The following CLPB variants were observed in gnomAD, a reference collection of about 807,000 sequenced individuals.
The protein encoded by CLPB is ClpB family mitochondrial disaggregase, also known as mitochondrial disaggregase.
CLPB carries 40 observed loss-of-function variants against 78.4 expected under a neutral mutation model. That is an observed-to-expected ratio of 0.51 (90% confidence interval 0.40 to 0.66). The LOEUF (loss-of-function observed/expected upper bound fraction) is 0.66, where lower values mean the gene tolerates loss of function less well. CLPB is among the 30% of genes least tolerant of loss of function. The pLI is 0.00. For synonymous variants in CLPB, 333 were observed against 348.0 expected (o/e 0.96, Z 0.48); for missense variants, 780 against 886.9 (o/e 0.88, Z 1.53).
chr11:72,351,755 AGAGACAGG>A (rs1233492122), intron 5 of CLPB, among the ~76,000 whole-genome samples: 1 of 151,978 alleles, frequency 6.6e-6, no homozygotes, highest in African/African-American at 2.4e-5. Context: ...TATTTTTAGT[AGAGACAGG>A]GTTTCACCAT....
At chr11:72,429,411 G>GT (rs1565103675) in intron 2 of CLPB, among the ~76,000 whole-genome samples, 3 of 152,222 alleles carry the variant, frequency 2.0e-5, no homozygotes, top group Admixed American at 6.5e-5. Flanking sequence ...ACACTTTCTT[G>GT]TATGTTCAGG....
chr11:72,315,712 G>A (rs1392516173), intron 7 of CLPB, among the ~76,000 whole-genome samples: 2 of 152,134 alleles, frequency 1.3e-5, no homozygotes, highest in Non-Finnish European at 2.9e-5. Context: ...TTCATTCTGC[G>A]GCACTTCTCT....
intron 11 of CLPB, among the ~76,000 whole-genome samples, chr11:72,297,242 T>C (rs1949567390): frequency 6.6e-6 from 1 of 152,222 alleles, no homozygotes; most frequent in African/African-American, 2.4e-5. Context: ...CCAGGGATGC[T>C]GGGCCCTGCC....
At chr11:72,406,458 G>C (rs1855713433) in intron 2 of CLPB, among the ~76,000 whole-genome samples, 1 of 152,332 alleles carries the variant, frequency 6.6e-6, no homozygotes, top group South Asian at 2.1e-4. Context: ...TTCTGATCTA[G>C]CTAGATAACT....
chr11:72,361,384 C>T (rs888718397), intron 4 of CLPB, among the ~76,000 whole-genome samples: 11 of 152,166 alleles, frequency 7.2e-5, no homozygotes, highest in Non-Finnish European at 1.6e-4. Flanking sequence ...ACACTTTTCC[C>T]ATAAGAGAGC....
Position 72,434,452 on chromosome 11 carries a change from C to T in CLPB, c.23G>A (p.Arg8Lys). Residue 8 changes from arginine to lysine, a missense_variant, in exon 1 of 16, where the codon AGG (arginine) becomes AAG (lysine). Physicochemically the swap from Arg to Lys is conservative, Grantham distance 26 (BLOSUM62 2). This residue lies in a region of CLPB where 417 missense variants were observed against 414.7 expected (regional missense o/e 1.01). Coordinates refer to ENST00000538039, the MANE Select transcript of CLPB (RefSeq NM_001258392.3). Reference protein sequence around the residue: MLGSLVLRRKALAPRLLL... With the variant: MLGSLVLKRKALAPRLLL... ...TAGCCGTGGCGCCAGTGCTTTTCTC[C>T]TCAACACCAGGGACCCCAGCATCTT... is the stretch of plus-strand genomic sequence containing the variant. The T allele has an allele frequency of 6.4e-7, 1 of 1,562,320 alleles. No homozygotes were observed. Among genetic ancestry groups the T allele is most frequent in the Non-Finnish European group, 8.7e-7 (1 of 1,150,932 alleles).
At chr11:72,398,787 T>G (rs1855481582) in intron 3 of CLPB, among the ~76,000 whole-genome samples, 1 of 152,214 alleles carries the variant, frequency 6.6e-6, no homozygotes, top group Admixed American at 6.5e-5. Context: ...CCCCAATGAC[T>G]GTTCCTTGAG....
At position 72,286,927 on chromosome 11, in the gene CLPB, CATAGT is replaced by C. The variant is rs1487388038; in HGVS notation, c.*6435_*6439del. On this transcript the variant is annotated 3_prime_UTR_variant, in exon 16 of 16. Transcript: ENST00000538039. ...AAACAAGGACGTTCTCTTCTGTAAT[CATAGT>C]ATAATTATCAAAATGAGAAAATTTA... 1 of 151,950 alleles carries C rather than the reference CATAGT, an allele frequency of 6.6e-6. No individual in the cohort carries two copies. Among genetic ancestry groups the C allele is most frequent in the African/African-American group, 2.4e-5 (1 of 41,354 alleles). The allele number at this position is 151,950 out of a possible 1,614,324, so 9.4% of individuals were successfully genotyped here.
intron 11 of CLPB, 133 bp downstream of exon 11, chr11:72,301,670 G>T: frequency 1.0e-6 from 1 of 995,868 alleles, no homozygotes; most frequent in Non-Finnish European, 1.5e-6. Flanking sequence ...CCTACTGGAT[G>T]AATGAATGTA....
intron 5 of CLPB, among the ~76,000 whole-genome samples, chr11:72,342,745 G>T (rs556618932): frequency 3.2e-4 from 49 of 152,318 alleles, no homozygotes; most frequent in African/African-American, 1.1e-3. Flanking sequence ...CGAGCCTGGG[G>T]TCTGGGCTGA....
Position 72,339,705 on chromosome 11 carries a change from G to C in CLPB, c.776-9901C>G, listed in dbSNP as rs138203280. Among the ~76,000 whole-genome samples, 849 of 152,290 alleles carry C rather than the reference G, an allele frequency of 5.6e-3. 8 individuals are homozygous for C. The highest frequency in any genetic ancestry group is 0.02 in the African/African-American group (814 of 41,562). On this transcript the variant is annotated intron_variant, in intron 5 of 15. Transcript: ENST00000538039. ...AAGTGAGTAAGAAGATACTGTTCTT[G>C]CTTTTCAGGAGTTCCTGATCCAGTT...
intron 3 of CLPB, among the ~76,000 whole-genome samples, chr11:72,381,604 G>A (rs1854916245): frequency 6.6e-6 from 1 of 152,100 alleles, no homozygotes; most frequent in Non-Finnish European, 1.5e-5. Context: ...ACTCCCCCCA[G>A]AACCGGCTGG....
intron 3 of CLPB, among the ~76,000 whole-genome samples, 189 bp from the exon 4 acceptor site, chr11:72,380,573 C>T (rs965293710): frequency 1.3e-5 from 2 of 152,036 alleles, no homozygotes; most frequent in Non-Finnish European, 2.9e-5. Context: ...AGATCTTAGC[C>T]GGGTGCAGTG....
At chr11:72,412,363 G>A (rs1855903613) in intron 2 of CLPB, among the ~76,000 whole-genome samples, 1 of 152,206 alleles carries the variant, frequency 6.6e-6, no homozygotes, top group African/African-American at 2.4e-5. Flanking sequence ...GAGGGGAGAG[G>A]CTGGCAGGTA....
chr11:72,321,729 G>C (rs960388104), intron 6 of CLPB, among the ~76,000 whole-genome samples: 4 of 152,198 alleles, frequency 2.6e-5, no homozygotes, highest in African/African-American at 9.7e-5. Flanking sequence ...GGGAAGGTAG[G>C]TATGGAGGGG....
In CLPB at chr11:72,434,312, G is replaced by GC. The variant is rs756188595; in HGVS notation, c.162dup (p.Arg55AlafsTer138). 1 of 1,612,090 alleles carries GC rather than the reference G, an allele frequency of 6.2e-7. No homozygotes were observed. The highest frequency in any genetic ancestry group is 8.5e-7 in the Non-Finnish European group (1 of 1,179,672). On this transcript the variant is annotated frameshift_variant, in exon 1 of 16. Transcript: ENST00000538039. LOFTEE classifies it high-confidence loss of function. ...AACAAGGCCGGCGATGTTCCAGGGC[G>GC]CCCCCCGGTGGCTACCCTCAGCCAC...
chr11:72,423,155 T>TA (rs1212895764), intron 2 of CLPB, among the ~76,000 whole-genome samples: 1 of 152,180 alleles, frequency 6.6e-6, no homozygotes, highest in East Asian at 1.9e-4. Flanking sequence ...TCCTAAATGA[T>TA]AATTTAAGAG....
At chr11:72,394,333 C>A (rs1237395369) in intron 3 of CLPB, among the ~76,000 whole-genome samples, 1 of 152,180 alleles carries the variant, frequency 6.6e-6, no homozygotes, top group African/African-American at 2.4e-5. Context: ...CCCCAAGCAG[C>A]TGAACTGAAT....
At chr11:72,315,152 G>C (rs1949918753) in intron 7 of CLPB, among the ~76,000 whole-genome samples, 1 of 152,018 alleles carries the variant, frequency 6.6e-6, no homozygotes. Context: ...GAGGGGGAGG[G>C]AGGGGCCAAG....
Sources: gnomAD v4.1 joint callset for allele counts (sites outside exome capture counted in the v4.1 genomes callset) on GRCh38, gnomAD v4.1.1 for gene constraint, gnomAD v4.1.1 regional missense constraint, MANE v1.5 for transcripts, NCBI Gene and HGNC (gene_info 2026-07-23, HGNC 2026-07-21) for gene names.